The following NKAIN2 variants were observed in gnomAD, a reference collection of about 807,000 sequenced individuals.
NKAIN2 encodes sodium/potassium transporting ATPase interacting 2.
In NKAIN2, 14 loss-of-function variants were observed where a neutral mutation model predicts 32.6. The ratio of observed to expected loss-of-function variants is 0.43; its 90% CI spans 0.28 to 0.67. The LOEUF (loss-of-function observed/expected upper bound fraction) is 0.67, where lower values mean the gene tolerates loss of function less well. NKAIN2 is among the 30% of genes least tolerant of loss of function. The probability of loss-of-function intolerance (pLI) is 0.17; values close to 1 mark genes in which losing one functional copy is unlikely to be tolerated. For synonymous variants in NKAIN2, 80 were observed against 87.2 expected (o/e 0.92, Z 0.46); for missense variants, 198 against 258.3 (o/e 0.77, Z 1.60).
At chr6:124,483,961 C>T (rs2114706711) in intron 3 of NKAIN2, among the ~76,000 whole-genome samples, 1 of 152,278 alleles carries the variant, frequency 6.6e-6, no homozygotes, top group South Asian at 2.1e-4. Context: ...ATCTTTATTA[C>T]CTCAACAGCT....
rs554391305 is a variant in NKAIN2, at chr6:124,806,079, A to G, written c.536-12308A>G. 4.6e-3 allele frequency among the ~76,000 whole-genome samples: 695 copies of G among 152,330 alleles called. 5 individuals are homozygous for G. The highest frequency in any genetic ancestry group is 0.016 in the African/African-American group (662 of 41,568). On this transcript the variant is annotated intron_variant, in intron 5 of 6. Transcript: ENST00000368417. ...GAAAACATTCTGCAGGATATTATCC[A>G]GGAGAACTTCTCCAATCTAGCAAGG...
chr6:124,507,548 C>T (rs1279552212), intron 3 of NKAIN2, among the ~76,000 whole-genome samples: 2 of 152,262 alleles, frequency 1.3e-5, no homozygotes, highest in Admixed American at 6.5e-5. Flanking sequence ...ACATTTCTCT[C>T]TATCACAACT....
chr6:124,633,618 G>A (rs1369106568), intron 3 of NKAIN2, among the ~76,000 whole-genome samples: 1 of 152,124 alleles, frequency 6.6e-6, no homozygotes, highest in African/African-American at 2.4e-5. Flanking sequence ...AATAAACATG[G>A]AAAAGGTCAT....
intron 1 of NKAIN2, among the ~76,000 whole-genome samples, chr6:124,229,501 C>CAGATAGATAGAT (rs371937856): frequency 0.069 from 9,782 of 142,690 alleles, 358 homozygotes; most frequent in East Asian, 0.12. Flanking sequence ...GATAGATAGA[C>CAGATAGATAGAT]AGATAGATAG....
At chr6:124,346,691 A>C (rs889503473) in intron 2 of NKAIN2, among the ~76,000 whole-genome samples, 3 of 151,318 alleles carry the variant, frequency 2.0e-5, no homozygotes, top group African/African-American at 7.3e-5. Flanking sequence ...TGCTTGGTAG[A>C]TCTTCCTCCA....
intron 3 of NKAIN2, among the ~76,000 whole-genome samples, chr6:124,439,483 G>A (rs1775601205): frequency 6.6e-6 from 1 of 151,738 alleles, no homozygotes; most frequent in Non-Finnish European, 1.5e-5. Flanking sequence ...GGTCTTTTCA[G>A]AAGCAAATCG....
At chr6:124,750,324 C>G (rs1777647945) in intron 4 of NKAIN2, among the ~76,000 whole-genome samples, 1 of 151,926 alleles carries the variant, frequency 6.6e-6, no homozygotes. Context: ...AACCTTGAGT[C>G]TTCCATAACT....
chr6:123,912,462 G>A (rs1775262850), intron 1 of NKAIN2, among the ~76,000 whole-genome samples: 1 of 152,056 alleles, frequency 6.6e-6, no homozygotes, highest in Non-Finnish European at 1.5e-5. Context: ...AAATGTATTT[G>A]CTTTACTTCA....
intron 1 of NKAIN2, among the ~76,000 whole-genome samples, chr6:124,206,267 A>G (rs1159425029): frequency 6.6e-6 from 1 of 151,812 alleles, no homozygotes; most frequent in African/African-American, 2.4e-5. Flanking sequence ...CTTTTTTAGC[A>G]ATCACTGAAT....
intron 3 of NKAIN2, among the ~76,000 whole-genome samples, chr6:124,543,090 C>A (rs773814434): frequency 3.3e-5 from 5 of 152,158 alleles, no homozygotes; most frequent in Non-Finnish European, 7.4e-5. Flanking sequence ...CAAAACACCA[C>A]TATGAAGTCG....
In NKAIN2 at chr6:124,539,180, A is replaced by T. The variant is rs1347713813; in HGVS notation, c.274-119006A>T. Among the ~76,000 whole-genome samples the T allele has an allele frequency of 5.2e-5, 7 of 135,100 alleles. No individual in the cohort carries two copies. The East Asian group carries it at 8.9e-4, about 17-fold the overall frequency. The allele number at this position is 135,100 out of a possible 152,430, so 88.6% of individuals were successfully genotyped here. A position where few individuals can be genotyped will look rare whatever the true frequency, so the allele number is the denominator to read the frequency against. ...GTGTTCACTTTTTGTATAATCAGAGATATTTAATGGTCATCTAGAGTTTAG... is the reference window on the plus strand; with the variant it reads ...GTGTTCACTTTTTGTATAATCAGAGTTATTTAATGGTCATCTAGAGTTTAG... On this transcript the variant is annotated intron_variant, in intron 3 of 6. Transcript: ENST00000368417.
intron 1 of NKAIN2, among the ~76,000 whole-genome samples, chr6:123,906,708 T>G (rs1774891839): frequency 6.6e-6 from 1 of 152,230 alleles, no homozygotes; most frequent in Non-Finnish European, 1.5e-5. Flanking sequence ...GTCTGTGTTA[T>G]ATGAAGTTTT....
chr6:123,820,463 A>G (rs575085998), intron 1 of NKAIN2, among the ~76,000 whole-genome samples: 1 of 152,336 alleles, frequency 6.6e-6, no homozygotes, highest in East Asian at 1.9e-4. Flanking sequence ...GGCCTTGATC[A>G]GTTCTGTAGA....
chr6:124,388,041 G>A (rs756403114), intron 3 of NKAIN2, among the ~76,000 whole-genome samples: 26 of 151,920 alleles, frequency 1.7e-4, no homozygotes, highest in Non-Finnish European at 2.8e-4. Flanking sequence ...GTTAAATATC[G>A]CCCAATGCAC....
chr6:124,431,106 A>G (rs1239933167), intron 3 of NKAIN2, among the ~76,000 whole-genome samples: 1 of 152,182 alleles, frequency 6.6e-6, no homozygotes, highest in Admixed American at 6.6e-5. Flanking sequence ...GATTTTACAA[A>G]ATGCATATGA....
intron 1 of NKAIN2, among the ~76,000 whole-genome samples, chr6:124,144,525 T>C (rs936701045): frequency 2.6e-5 from 4 of 152,152 alleles, no homozygotes; most frequent in Non-Finnish European, 5.9e-5. Flanking sequence ...ACAAAAACAA[T>C]TAAATGTAGG....
chr6:124,631,124 A>ATTAT (rs934373082), intron 3 of NKAIN2, among the ~76,000 whole-genome samples: 8 of 152,140 alleles, frequency 5.3e-5, no homozygotes, highest in Non-Finnish European at 1.0e-4. Context: ...TCGGTGAAAA[A>ATTAT]TTATTAAAAT....
intron 4 of NKAIN2, among the ~76,000 whole-genome samples, chr6:124,734,472 A>G (rs2114673048): frequency 6.6e-6 from 1 of 151,608 alleles, no homozygotes; most frequent in East Asian, 2.0e-4. Context: ...TACTACCTAA[A>G]TTCTTTATCA....
chr6:123,880,507 T>C (rs1462769092), intron 1 of NKAIN2, among the ~76,000 whole-genome samples: 2 of 152,126 alleles, frequency 1.3e-5, no homozygotes, highest in South Asian at 2.1e-4. Context: ...TGTAGCACCA[T>C]TACTGGTTAA....
Sources: allele counts gnomAD v4.1 joint callset (sites outside exome capture counted in the v4.1 genomes callset), GRCh38; gene constraint gnomAD v4.1.1; transcripts MANE v1.5; gene names NCBI Gene and HGNC (gene_info 2026-07-23, HGNC 2026-07-21).